The following SVEP1 variants were observed in gnomAD, a reference collection of about 807,000 sequenced individuals.
The protein encoded by SVEP1 is sushi, von Willebrand factor type A, EGF and pentraxin domain-containing protein 1.
A neutral mutation model predicts 367.3 loss-of-function variants in SVEP1; 164 were observed. That is an observed-to-expected ratio of 0.45 (90% CI 0.39 to 0.51). The LOEUF is 0.51. Ranked by LOEUF, SVEP1 falls within the 20% of genes least tolerant of loss-of-function variation. The pLI, the probability that SVEP1 is intolerant of heterozygous loss-of-function variation, is 0.00. For synonymous variants in SVEP1, 1,666 were observed against 1,611.6 expected (o/e 1.03, Z -0.81); for missense variants, 4,117 against 4,425.3 (o/e 0.93, Z 1.98).
chr9:110,547,172 C>T (rs1476366871), intron 2 of SVEP1, among the ~76,000 whole-genome samples: 1 of 151,992 alleles, frequency 6.6e-6, no homozygotes, highest in Non-Finnish European at 1.5e-5. Flanking sequence ...TAGATAGGGG[C>T]AAAGCAAAGG....
At chr9:110,415,521 A>G (rs1828106578) in intron 36 of SVEP1, among the ~76,000 whole-genome samples, 1 of 152,048 alleles carries the variant, frequency 6.6e-6, no homozygotes, top group Non-Finnish European at 1.5e-5. Context: ...GTGGAAGAAG[A>G]CGGTAAGACA....
rs545492072 is a variant in SVEP1, at chr9:110,471,328, G to A, written c.2998+36C>T. On this transcript the variant is annotated intron_variant, in intron 16 of 47. Coordinates refer to ENST00000374469, the MANE Select transcript of SVEP1 (RefSeq NM_153366.4). ...ACACCCATCTCATTTGACCCAGTAT[G>A]CACCAAATATTTTTGATCACAGGGA... 373 of 1,563,772 alleles carry A rather than the reference G, an allele frequency of 2.4e-4. 3 individuals are homozygous for A. In the South Asian group the frequency reaches 3.9e-3, roughly 16 times the overall value.
Position 110,520,213 on chromosome 9 carries a change from A to G in SVEP1, c.965-6107T>C, listed in dbSNP as rs184681102. On this transcript the variant is annotated intron_variant, in intron 3 of 47. Transcript: ENST00000374469. Reference sequence around the variant, plus strand: ...ATGAAAAACAGACTTTAGGAGAACTATTTAAAGGCATTGCACAATTCTAGT... The same window carrying G: ...ATGAAAAACAGACTTTAGGAGAACTGTTTAAAGGCATTGCACAATTCTAGT... Among the ~76,000 whole-genome samples, 104 of 152,280 alleles carry G rather than the reference A, an allele frequency of 6.8e-4. 1 individual carries two copies. Among genetic ancestry groups the G allele is most frequent in the African/African-American group, 2.2e-3 (90 of 41,550 alleles).
At chr9:110,560,984 TTCCC>T (rs1830419614) in intron 1 of SVEP1, among the ~76,000 whole-genome samples, 1 of 152,150 alleles carries the variant, frequency 6.6e-6, no homozygotes, top group African/African-American at 2.4e-5. Flanking sequence ...TTCCAATGTT[TTCCC>T]TCCATCTACA....
At chr9:110,564,315 A>G (rs544844963) in intron 1 of SVEP1, among the ~76,000 whole-genome samples, 20 of 152,338 alleles carry the variant, frequency 1.3e-4, no homozygotes, top group African/African-American at 4.8e-4. Context: ...GTTAGAAAAG[A>G]AATAATGTCT....
intron 8 of SVEP1, among the ~76,000 whole-genome samples, chr9:110,495,760 A>AT (rs569626592): frequency 9.7e-4 from 147 of 152,278 alleles, no homozygotes; most frequent in African/African-American, 3.3e-3. Flanking sequence ...TAAATGAACT[A>AT]TTTTTCTAAC....
chr9:110,410,924 T>C (rs1013776633), intron 37 of SVEP1, 139 bp downstream of exon 37: 12 of 629,584 alleles, frequency 1.9e-5, no homozygotes, highest in Non-Finnish European at 3.1e-5. Context: ...CATGATTCTT[T>C]GTTAGTGATA....
At chr9:110,499,338 G>T in intron 6 of SVEP1, 100 bp from the exon 7 acceptor site, 1 of 1,097,410 alleles carries the variant, frequency 9.1e-7, no homozygotes, top group Non-Finnish European at 1.3e-6. Flanking sequence ...GCTGCCTTAG[G>T]ATTTACGTAA....
chr9:110,430,121 T>TA, intron 33 of SVEP1, 117 bp from the exon 34 acceptor site: 1 of 1,159,694 alleles, frequency 8.6e-7, no homozygotes, highest in Non-Finnish European at 1.2e-6. Flanking sequence ...TTTTTTTTTT[T>TA]TGGTGTGTGT....
rs1040447323 is a variant in SVEP1, at chr9:110,379,254, A to G, written c.10408+93T>C. On this transcript the variant is annotated intron_variant, in intron 44 of 47. Coordinates refer to ENST00000374469, the MANE Select transcript of SVEP1 (RefSeq NM_153366.4). ...AAATTTTAAAGCCAAGGAAAAATAAAGTAGTATGCATATTAATTGCTGGAC... is the reference window on the plus strand; with the variant it reads ...AAATTTTAAAGCCAAGGAAAAATAAGGTAGTATGCATATTAATTGCTGGAC... 26 of 1,324,766 alleles carry G rather than the reference A, an allele frequency of 2.0e-5. No individual in the cohort carries two copies. The South Asian group carries it at 2.9e-4, about 15-fold the overall frequency. 82.1% of individuals were successfully genotyped at this position (1,324,766 alleles called of 1,614,324 possible). A position where few individuals can be genotyped will look rare whatever the true frequency, so the allele number is the denominator to read the frequency against.
At chr9:110,564,194 T>C (rs1470492890) in intron 1 of SVEP1, among the ~76,000 whole-genome samples, 6 of 152,218 alleles carry the variant, frequency 3.9e-5, no homozygotes, top group Non-Finnish European at 7.3e-5. Flanking sequence ...CAGGTCAAAC[T>C]GTTCTTCCAA....
At position 110,562,185 on chromosome 9, in the gene SVEP1, C is replaced by T. The variant is rs983645700; in HGVS notation, c.532-12081G>A. 1.1e-4 allele frequency among the ~76,000 whole-genome samples: 16 copies of T among 150,386 alleles called. 1 individual carries two copies. The highest frequency in any genetic ancestry group is 2.6e-4 in the Admixed American group (4 of 15,102). On this transcript the variant is annotated intron_variant, in intron 1 of 47. Coordinates refer to ENST00000374469, the MANE Select transcript of SVEP1 (RefSeq NM_153366.4). ...ACAAATTTCTAATAATGACAAATTC[C>T]ACCATTTGGAATAAAAGCACATAGG...
chr9:110,447,894 T>C (rs757502049), intron 24 of SVEP1, among the ~76,000 whole-genome samples: 24 of 152,074 alleles, frequency 1.6e-4, no homozygotes, highest in Admixed American at 5.2e-4. Context: ...TAAGGAGCAA[T>C]TGAAATGAAC....
chr9:110,489,363 C>T (rs1455386608), intron 9 of SVEP1, among the ~76,000 whole-genome samples: 2 of 152,142 alleles, frequency 1.3e-5, no homozygotes, highest in Non-Finnish European at 2.9e-5. Flanking sequence ...AATGGACTCA[C>T]AGTTCCATAT....
intron 1 of SVEP1, among the ~76,000 whole-genome samples, chr9:110,552,624 T>A (rs7868804): frequency 6.6e-6 from 1 of 151,740 alleles, no homozygotes; most frequent in South Asian, 2.1e-4. Flanking sequence ...ACAACTTAGA[T>A]CCCTCGCATA....
At chr9:110,367,216 G>A (rs914866901) in intron 47 of SVEP1, among the ~76,000 whole-genome samples, 2 of 152,234 alleles carry the variant, frequency 1.3e-5, no homozygotes, top group African/African-American at 4.8e-5. Flanking sequence ...CTAGAGTGCA[G>A]TGGCACAATC....
At chr9:110,434,197 A>T in intron 30 of SVEP1, 139 bp downstream of exon 30, 3 of 1,029,852 alleles carry the variant, frequency 2.9e-6, no homozygotes, top group Non-Finnish European at 4.1e-6. Context: ...ACAGTTCATT[A>T]AACAAAGAAA....
rs774410025 is a variant in SVEP1 at position 110,411,254 on chromosome 9, T to C, written c.6457A>G (p.Met2153Val). 6 of 1,613,938 alleles carry C rather than the reference T, an allele frequency of 3.7e-6. No homozygotes were observed. The Admixed American group carries it at 5.0e-5, about 13-fold the overall frequency. ...TTTGATCCACTTGCATAGCCATTCA[T>C]GATGCTTGGTGGCTCTCCACACCGC... ...PVRCGEPPSI[M>V]NGYASGSNYS... The change falls in exon 37 of 48, where the codon ATG (methionine) becomes GTG (valine). Residue 2153 changes from methionine (M) to valine (V), a missense_variant. Transcript: ENST00000374469.
intron 46 of SVEP1, 139 bp downstream of exon 46, chr9:110,375,229 A>C (rs1827331849): frequency 1.4e-6 from 1 of 730,718 alleles, no homozygotes; most frequent in African/African-American, 1.8e-5. Context: ...GAATCAAGGG[A>C]TCATCTTGAG....
Sources: gnomAD v4.1 joint callset for allele counts (sites outside exome capture counted in the v4.1 genomes callset) on GRCh38, gnomAD v4.1.1 for gene constraint, MANE v1.5 for transcripts, NCBI Gene and HGNC (gene_info 2026-07-23, HGNC 2026-07-21) for gene names.